Variants in ADCK1 observed in about 807,000 individuals in gnomAD.
ADCK1 encodes aarF domain containing kinase 1.
A neutral mutation model predicts 52.3 loss-of-function variants in ADCK1; 41 were observed. The ratio of observed to expected loss-of-function variants is 0.78; its 90% CI spans 0.61 to 1.02. The LOEUF is 1.02. Ranked by LOEUF, ADCK1 falls within the 50% of genes least tolerant of loss-of-function variation. The pLI, the probability that ADCK1 is intolerant of heterozygous loss-of-function variation, is 0.00. For synonymous variants in ADCK1, 250 were observed against 274.6 expected (o/e 0.91, Z 0.89); for missense variants, 658 against 679.5 (o/e 0.97, Z 0.35).
chr14:77,881,877 C>T (rs1421415073), intron 4 of ADCK1, among the ~76,000 whole-genome samples: 3 of 152,104 alleles, frequency 2.0e-5, no homozygotes, highest in Admixed American at 2.0e-4. Flanking sequence ...TTGGAAGATA[C>T]AGGAATAATT....
intron 4 of ADCK1, among the ~76,000 whole-genome samples, chr14:77,880,114 G>A (rs915801193): frequency 1.3e-5 from 2 of 152,210 alleles, no homozygotes; most frequent in South Asian, 2.1e-4. Flanking sequence ...GTCTCAGAGT[G>A]CGCACACAGC....
chr14:77,811,608 A>G (rs1444392075), intron 1 of ADCK1, among the ~76,000 whole-genome samples: 3 of 152,148 alleles, frequency 2.0e-5, no homozygotes, highest in African/African-American at 7.2e-5. Context: ...TTCAAGACCA[A>G]CTTGAGCAAC....
chr14:77,883,752 G>C (rs1396724445), intron 4 of ADCK1, among the ~76,000 whole-genome samples: 1 of 152,138 alleles, frequency 6.6e-6, no homozygotes, highest in Non-Finnish European at 1.5e-5. Flanking sequence ...CCAGTGAGGG[G>C]TGCATCCTCA....
intron 1 of ADCK1, among the ~76,000 whole-genome samples, chr14:77,816,949 T>C (rs1270753066): frequency 1.3e-5 from 2 of 148,396 alleles, no homozygotes; most frequent in Non-Finnish European, 3.0e-5. Context: ...AAGTAGACTT[T>C]AAAGAAAATG....
At chr14:77,805,759 G>A (rs539812447) in intron 1 of ADCK1, among the ~76,000 whole-genome samples, 2 of 152,004 alleles carry the variant, frequency 1.3e-5, no homozygotes, top group African/African-American at 4.8e-5. Context: ...GGAATTGAGA[G>A]TTAGACCATG....
At position 77,872,911 on chromosome 14, in the gene ADCK1, G is replaced by A. The variant is rs147840361; in HGVS notation, c.423+13632G>A. 1.9e-3 allele frequency among the ~76,000 whole-genome samples: 292 copies of A among 152,274 alleles called. 2 individuals carry two copies. The highest frequency in any genetic ancestry group is 6.3e-3 in the African/African-American group (262 of 41,554). ...GCCTGGTCTCGATCTCCTGACCTCA[G>A]GTGACCTGCCGGCCTTGACCTCTGA... is the stretch of plus-strand genomic sequence containing the variant. On this transcript the variant is annotated intron_variant, in intron 4 of 10. Coordinates refer to ENST00000238561, the MANE Select transcript of ADCK1 (RefSeq NM_020421.4).
chr14:77,910,017 G>A (rs1356406911), intron 7 of ADCK1, among the ~76,000 whole-genome samples: 3 of 152,148 alleles, frequency 2.0e-5, no homozygotes, highest in Non-Finnish European at 2.9e-5. Context: ...AGTGCACAGA[G>A]CTGCTGCCAG....
intron 7 of ADCK1, among the ~76,000 whole-genome samples, chr14:77,913,940 T>G (rs1278651767): frequency 1.3e-5 from 2 of 152,098 alleles, no homozygotes; most frequent in Non-Finnish European, 1.5e-5. Context: ...GCTGCTGGTG[T>G]GTGGTGCAGC....
At chr14:77,822,599 C>A in intron 3 of ADCK1, 81 bp downstream of exon 3, 1 of 1,203,134 alleles carries the variant, frequency 8.3e-7, no homozygotes, top group Non-Finnish European at 1.2e-6. Context: ...ATCCTCCCAC[C>A]TCACCCCCGC....
At chr14:77,804,898 C>T (rs1385491620) in intron 1 of ADCK1, among the ~76,000 whole-genome samples, 1 of 152,052 alleles carries the variant, frequency 6.6e-6, no homozygotes, top group Non-Finnish European at 1.5e-5. Context: ...GTAGATGCGT[C>T]AGAGATGTTA....
At chr14:77,899,399 C>A in intron 6 of ADCK1, 141 bp downstream of exon 6, 1 of 1,154,154 alleles carries the variant, frequency 8.7e-7, no homozygotes, top group Non-Finnish European at 1.2e-6. Flanking sequence ...TGAATGACAT[C>A]ACTGGTGATG....
At chr14:77,917,967 A>G (rs915397639) in intron 7 of ADCK1, among the ~76,000 whole-genome samples, 15 of 152,182 alleles carry the variant, frequency 9.9e-5, no homozygotes, top group African/African-American at 3.1e-4. Context: ...CAGTGCTCCT[A>G]GGTTTAGACT....
chr14:77,883,425 G>C (rs1056964287), intron 4 of ADCK1, among the ~76,000 whole-genome samples: 1 of 152,062 alleles, frequency 6.6e-6, no homozygotes, highest in Non-Finnish European at 1.5e-5. Context: ...TTCTGCTTTC[G>C]GGACAGGGTC....
At chr14:77,889,029 C>G (rs2083224114) in intron 5 of ADCK1, among the ~76,000 whole-genome samples, 1 of 152,172 alleles carries the variant, frequency 6.6e-6, no homozygotes, top group Non-Finnish European at 1.5e-5. Context: ...GTGACTAAGT[C>G]TCACAAGATC....
chr14:77,822,608 G>T (rs181452520), intron 3 of ADCK1, 90 bp downstream of exon 3: 2 of 1,136,560 alleles, frequency 1.8e-6, no homozygotes, highest in African/African-American at 1.5e-5. Flanking sequence ...CCTCACCCCC[G>T]CAAAGTGCTG....
At chr14:77,849,729 G>C (rs1445300728) in intron 3 of ADCK1, among the ~76,000 whole-genome samples, 1 of 152,128 alleles carries the variant, frequency 6.6e-6, no homozygotes, top group Non-Finnish European at 1.5e-5. Flanking sequence ...TAGGATTACA[G>C]GCATGAGCCA....
At chr14:77,892,652 A>AG (rs1555356498) in intron 5 of ADCK1, among the ~76,000 whole-genome samples, 2 of 151,760 alleles carry the variant, frequency 1.3e-5, no homozygotes, top group Non-Finnish European at 1.5e-5. Flanking sequence ...AAAAAAAAAA[A>AG]AGAGATCCCT....
chr14:77,842,448 T>TTTCCTTCCTTCCTTCC (rs746756710), intron 3 of ADCK1, among the ~76,000 whole-genome samples: 9 of 92,288 alleles, frequency 9.8e-5, no homozygotes, highest in East Asian at 7.3e-4. Context: ...GGTATTTTTT[T>TTTCCTTCCTTCCTTCC]TTCCTTCCTT....
chr14:77,822,259 GAAT>G (rs1279556437), intron 2 of ADCK1, among the ~76,000 whole-genome samples, 173 bp from the exon 3 acceptor site: 1 of 152,188 alleles, frequency 6.6e-6, no homozygotes, highest in Non-Finnish European at 1.5e-5. Context: ...ACAGAGTCCT[GAAT>G]AACAGGAGGA....
Sources: gnomAD v4.1 joint callset for allele counts (sites outside exome capture counted in the v4.1 genomes callset) on GRCh38, gnomAD v4.1.1 for gene constraint, MANE v1.5 for transcripts, NCBI Gene and HGNC (gene_info 2026-07-23, HGNC 2026-07-21) for gene names.